MCC: variants seen among roughly 807,000 people sequenced by gnomAD.
MCC encodes MCC regulator of Wnt signaling pathway, also known as colorectal mutant cancer protein.
MCC carries 90 observed loss-of-function variants against 116.2 expected under a neutral mutation model. That is an observed-to-expected ratio of 0.77 (90% confidence interval 0.65 to 0.92). The LOEUF (loss-of-function observed/expected upper bound fraction) is 0.92. Among genes scored for constraint, MCC ranks in the 40% least tolerant of loss-of-function variants. MCC has a pLI of 0.00. For missense variants in MCC, 1,516 were observed against 1,312.2 expected (o/e 1.16, Z -2.40); for synonymous variants, 578 against 510.5 (o/e 1.13, Z -1.78).
chr5:113,144,614 T>A (rs548248137), intron 4 of MCC, among the ~76,000 whole-genome samples: 1 of 152,204 alleles, frequency 6.6e-6, no homozygotes, highest in Non-Finnish European at 1.5e-5. Flanking sequence ...ATACTAAGCC[T>A]AACTCCATAC....
rs577222055 is a variant in MCC at position 113,106,443 on chromosome 5, T to C, written c.1028-2088A>G. ...CCATTCACACTCCTGGCCTTCTTTTTTCCCCCTGGAATATGCCAAACTCCT... is the reference window on the plus strand; with the variant it reads ...CCATTCACACTCCTGGCCTTCTTTTCTCCCCCTGGAATATGCCAAACTCCT... On this transcript the variant is annotated intron_variant, in intron 6 of 18. Transcript: ENST00000408903. Among the ~76,000 whole-genome samples, 412 of 152,256 alleles carry C rather than the reference T, an allele frequency of 2.7e-3. 2 individuals carry two copies. Among genetic ancestry groups the C allele is most frequent in the African/African-American group, 9.4e-3 (390 of 41,524 alleles).
chr5:113,469,826 T>C (rs1217978033), intron 1 of MCC, among the ~76,000 whole-genome samples: 1 of 152,228 alleles, frequency 6.6e-6, no homozygotes, highest in Non-Finnish European at 1.5e-5. Context: ...TAAGCCTCTT[T>C]GTAGGTCACT....
intron 1 of MCC, among the ~76,000 whole-genome samples, chr5:113,442,495 T>C (rs10478124): frequency 0.12 from 17,514 of 152,230 alleles, 1,743 homozygotes; most frequent in African/African-American, 0.27. Flanking sequence ...AGAAGCTCTT[T>C]AGTTTAATTA....
intron 5 of MCC, among the ~76,000 whole-genome samples, chr5:113,130,111 T>TA (rs578033374): frequency 4.0e-5 from 6 of 151,848 alleles, no homozygotes; most frequent in East Asian, 1.9e-4. Flanking sequence ...ATAGACTGGA[T>TA]AAAAAAAATG....
intron 14 of MCC, among the ~76,000 whole-genome samples, chr5:113,062,829 G>A (rs7730767): frequency 0.45 from 68,323 of 152,100 alleles, 17,775 homozygotes; most frequent in African/African-American, 0.74. Context: ...AAATGGAAGC[G>A]CTAAGGTAGA....
At chr5:113,486,491 G>A (rs1249174755) in intron 1 of MCC, among the ~76,000 whole-genome samples, 1 of 152,190 alleles carries the variant, frequency 6.6e-6, no homozygotes, top group East Asian at 1.9e-4. Flanking sequence ...GGCCAAATTA[G>A]AAAAGGATAG....
chr5:113,455,812 G>T (rs1288250722), intron 1 of MCC, among the ~76,000 whole-genome samples: 1 of 152,144 alleles, frequency 6.6e-6, no homozygotes, highest in Admixed American at 6.5e-5. Context: ...TACTGAGTTT[G>T]CAGAAAACTT....
At chr5:113,207,438 C>A (rs1252535689) in intron 3 of MCC, among the ~76,000 whole-genome samples, 1 of 134,736 alleles carries the variant, frequency 7.4e-6, no homozygotes. Context: ...TCTGGGGACA[C>A]CTATCCTCCA....
chr5:113,121,551 C>T (rs548295369), intron 6 of MCC, among the ~76,000 whole-genome samples: 28 of 152,310 alleles, frequency 1.8e-4, no homozygotes, highest in African/African-American at 6.5e-4. Flanking sequence ...AGGTCAAACG[C>T]CTTCCTAGAG....
chr5:113,170,082 A>G (rs1272905742), intron 3 of MCC, among the ~76,000 whole-genome samples: 1 of 152,208 alleles, frequency 6.6e-6, no homozygotes, highest in Non-Finnish European at 1.5e-5. Context: ...CAAAATTCTT[A>G]GGGATTTTTA....
At chr5:113,135,623 A>G (rs1444663703) in intron 5 of MCC, among the ~76,000 whole-genome samples, 1 of 151,522 alleles carries the variant, frequency 6.6e-6, no homozygotes, top group East Asian at 2.0e-4. Context: ...TGTAAATAGG[A>G]TTGCTTTCTT....
In MCC at chr5:113,191,366, A is replaced by G. The variant is rs376243247; in HGVS notation, c.628-39944T>C. ...AGAGGAGGTCCCCTCACTTTTTAAC[A>G]TCTCTCCTTCTGGCCACAGCCTAAC... On this transcript the variant is annotated intron_variant, in intron 3 of 18. Transcript: ENST00000408903. Among the ~76,000 whole-genome samples, 10 of 152,198 alleles carry G rather than the reference A, an allele frequency of 6.6e-5. No homozygotes were observed. The East Asian group carries it at 1.5e-3, about 24-fold the overall frequency.
At chr5:113,270,774 C>T (rs2150352883) in intron 3 of MCC, among the ~76,000 whole-genome samples, 1 of 151,576 alleles carries the variant, frequency 6.6e-6, no homozygotes, top group South Asian at 2.1e-4. Context: ...AACTTCCATG[C>T]ATGTTACCTT....
intron 8 of MCC, among the ~76,000 whole-genome samples, chr5:113,093,032 A>G (rs1755753869): frequency 6.6e-6 from 1 of 152,254 alleles, no homozygotes; most frequent in South Asian, 2.1e-4. Flanking sequence ...AGATGTACAC[A>G]CAGCCATATG....
intron 1 of MCC, among the ~76,000 whole-genome samples, chr5:113,404,177 C>A (rs1580336848): frequency 2.0e-5 from 3 of 152,080 alleles, no homozygotes; most frequent in Admixed American, 2.0e-4. Context: ...CAGTTTGTTT[C>A]TTTATTTGAG....
chr5:113,274,024 G>C (rs1210907138), intron 3 of MCC, among the ~76,000 whole-genome samples: 2 of 152,194 alleles, frequency 1.3e-5, no homozygotes, highest in Non-Finnish European at 2.9e-5. Flanking sequence ...AAAAACGCTG[G>C]CTTCTCCAGC....
In MCC at chr5:113,103,540, C is replaced by T. The variant is rs192797042; in HGVS notation, c.1191+652G>A. Among the ~76,000 whole-genome samples, 297 of 152,364 alleles carry T rather than the reference C, an allele frequency of 1.9e-3. 1 individual carries two copies. Among genetic ancestry groups the T allele is most frequent in the East Asian group, 7.9e-3 (41 of 5,190 alleles). ...AACCAGCAGTGTTACAAACATGCAT[C>T]GTGGTTTACCTTGTGACACCACAGT... On this transcript the variant is annotated intron_variant, in intron 7 of 18. Transcript: ENST00000408903.
chr5:113,281,737 GA>G (rs1193951607), intron 3 of MCC, among the ~76,000 whole-genome samples: 1 of 152,022 alleles, frequency 6.6e-6, no homozygotes, highest in African/African-American at 2.4e-5. Flanking sequence ...GGTAGAGAAA[GA>G]AAAAAACAAC....
At chr5:113,320,072 A>G (rs939918859) in intron 3 of MCC, among the ~76,000 whole-genome samples, 5 of 152,244 alleles carry the variant, frequency 3.3e-5, no homozygotes, top group Admixed American at 1.3e-4. Flanking sequence ...TGATCAAAAG[A>G]TATTTGTGCA....
Sources: allele counts gnomAD v4.1 joint callset (sites outside exome capture counted in the v4.1 genomes callset), GRCh38; gene constraint gnomAD v4.1.1; transcripts MANE v1.5; gene names NCBI Gene and HGNC (gene_info 2026-07-23, HGNC 2026-07-21).